DPP6: variants seen among roughly 807,000 people sequenced by gnomAD.
The protein encoded by DPP6 is dipeptidyl peptidase like 6.
Under a neutral mutation model 122.6 loss-of-function variants are expected in DPP6, and 69 were observed. The observed-to-expected ratio is 0.56, with a 90% CI of 0.46 to 0.69. The LOEUF (loss-of-function observed/expected upper bound fraction) is 0.69. Among genes scored for constraint, DPP6 ranks in the 30% least tolerant of loss-of-function variants. DPP6 has a pLI of 0.00. For missense variants in DPP6, 928 were observed against 1,116.9 expected, an observed-to-expected ratio of 0.83 and a Z score of 2.41; for synonymous variants, 418 against 433.1, an observed-to-expected ratio of 0.97 and a Z score of 0.43.
chr7:154,635,816 TCCATGGG>T (rs1217875434), intron 5 of DPP6, among the ~76,000 whole-genome samples: 2 of 152,106 alleles, frequency 1.3e-5, no homozygotes, highest in Non-Finnish European at 2.9e-5. Flanking sequence ...CCTCAGACTC[TCCATGGG>T]GCTGCTTGAG....
chr7:154,068,426 A>G (rs1802894266), intron 1 of DPP6, among the ~76,000 whole-genome samples: 1 of 146,812 alleles, frequency 6.8e-6, no homozygotes, highest in Admixed American at 6.9e-5. Flanking sequence ...AGATGCTGTT[A>G]GAATCCAGGA....
At chr7:154,247,144 C>A (rs1166520959) in intron 1 of DPP6, among the ~76,000 whole-genome samples, 4 of 152,100 alleles carry the variant, frequency 2.6e-5, no homozygotes, top group African/African-American at 9.7e-5. Context: ...GATACCCCAT[C>A]TCTACTAAAA....
intron 1 of DPP6, among the ~76,000 whole-genome samples, chr7:154,373,949 C>T (rs915660239): frequency 3.3e-5 from 5 of 152,176 alleles, no homozygotes; most frequent in Non-Finnish European, 7.3e-5. Flanking sequence ...TAGGTTCATC[C>T]TTGTTGTAGC....
intron 1 of DPP6, among the ~76,000 whole-genome samples, chr7:153,916,078 T>C (rs915363102): frequency 6.6e-6 from 1 of 150,916 alleles, no homozygotes; most frequent in African/African-American, 2.4e-5. Context: ...GCCATTCTCC[T>C]GCCTCAGCCT....
chr7:154,514,765 C>T (rs1393921671), intron 3 of DPP6, among the ~76,000 whole-genome samples: 1 of 152,176 alleles, frequency 6.6e-6, no homozygotes. Context: ...AGACAGACAA[C>T]ATTTTGTTTA....
At chr7:153,833,262 T>A in the DPP6 span, among the ~76,000 whole-genome samples, 4 of 152,322 alleles carry the variant, frequency 2.6e-5, no homozygotes, top group South Asian at 8.3e-4. Flanking sequence ...CCATCTCTAG[T>A]CCTCCATCAC....
intron 1 of DPP6, among the ~76,000 whole-genome samples, chr7:154,061,982 C>A (rs1442843916): frequency 1.5e-5 from 2 of 129,398 alleles, no homozygotes; most frequent in East Asian, 4.5e-4. Context: ...GCTATCCCCT[C>A]TTCCGCCCCT....
intron 7 of DPP6, among the ~76,000 whole-genome samples, chr7:154,725,002 G>T (rs906502114): frequency 2.6e-5 from 4 of 152,178 alleles, no homozygotes; most frequent in African/African-American, 9.7e-5. Context: ...CCCTTTGCCT[G>T]AGTTAGGCAG....
chr7:154,244,987 A>G (rs370355715), intron 1 of DPP6, among the ~76,000 whole-genome samples: 4 of 142,052 alleles, frequency 2.8e-5, no homozygotes, highest in African/African-American at 5.2e-5. Flanking sequence ...GTCTTGCTCT[A>G]TCACCCAGGC....
At chr7:154,828,673 T>G (rs571748953) in intron 16 of DPP6, among the ~76,000 whole-genome samples, 74 of 152,234 alleles carry the variant, frequency 4.9e-4, no homozygotes, top group Non-Finnish European at 8.8e-4. Context: ...AAGGTCATTA[T>G]GCTAGAGTAT....
At chr7:154,651,744 G>C (rs1192488982) in intron 6 of DPP6, among the ~76,000 whole-genome samples, 2 of 152,172 alleles carry the variant, frequency 1.3e-5, no homozygotes, top group African/African-American at 2.4e-5. Context: ...GCAGCCGAAA[G>C]GGAAAGGATG....
chr7:154,772,982 A>AAG, intron 10 of DPP6, 40 bp downstream of exon 10: 1 of 1,314,836 alleles, frequency 7.6e-7, no homozygotes, highest in South Asian at 1.5e-5. Flanking sequence ...AAAAAAAAAA[A>AAG]CTAAGATGAA....
At chr7:154,586,857 A>G (rs917802001) in intron 5 of DPP6, among the ~76,000 whole-genome samples, 1 of 152,124 alleles carries the variant, frequency 6.6e-6, no homozygotes, top group Non-Finnish European at 1.5e-5. Flanking sequence ...AAACACAATC[A>G]TTGCTTACAG....
At chr7:154,000,827 C>T (rs1797655326) in intron 1 of DPP6, among the ~76,000 whole-genome samples, 1 of 152,112 alleles carries the variant, frequency 6.6e-6, no homozygotes, top group Admixed American at 6.5e-5. Flanking sequence ...AAACCTGAGT[C>T]CCTGGCCCAG....
chr7:154,128,935 C>T (rs1220618317), intron 1 of DPP6, among the ~76,000 whole-genome samples: 2 of 151,780 alleles, frequency 1.3e-5, no homozygotes, highest in Admixed American at 6.6e-5. Context: ...GCAACCAGAG[C>T]TGCAGAATAT....
intron 1 of DPP6, among the ~76,000 whole-genome samples, chr7:153,937,611 C>T (rs1043007389): frequency 6.6e-6 from 1 of 152,070 alleles, no homozygotes; most frequent in Non-Finnish European, 1.5e-5. Context: ...CCATGCCTAA[C>T]TAATTTTTGT....
At chr7:154,180,275 G>A (rs371203745) in intron 1 of DPP6, among the ~76,000 whole-genome samples, 71 of 151,672 alleles carry the variant, frequency 4.7e-4, no homozygotes, top group African/African-American at 1.6e-3. Context: ...ATGAACCCGG[G>A]AGGTGGAGGC....
chr7:154,803,839 C>T (rs1563228730), intron 13 of DPP6, 25 bp from the exon 14 acceptor site: 1 of 1,609,128 alleles, frequency 6.2e-7, no homozygotes, highest in Non-Finnish European at 8.5e-7. Context: ...GTGTCTGCTC[C>T]TGATGCCATG....
chr7:154,510,059 T>C (rs1372347631), intron 3 of DPP6, among the ~76,000 whole-genome samples: 4 of 152,198 alleles, frequency 2.6e-5, no homozygotes, highest in Non-Finnish European at 2.9e-5. Flanking sequence ...GACCATTAAA[T>C]TGTGCACTTT....
Sources: allele counts gnomAD v4.1 joint callset (sites outside exome capture counted in the v4.1 genomes callset), GRCh38; gene constraint gnomAD v4.1.1; transcripts MANE v1.5; gene names NCBI Gene and HGNC (gene_info 2026-07-23, HGNC 2026-07-21).